Variants in DGAT2 observed in about 807,000 individuals in gnomAD.
DGAT2 encodes acyl-CoA retinol O-fatty-acyltransferase.
In DGAT2, 33 loss-of-function variants were observed where a neutral mutation model predicts 48.4. The ratio of observed to expected loss-of-function variants is 0.68; its 90% confidence interval spans 0.52 to 0.91. The LOEUF (loss-of-function observed/expected upper bound fraction) is 0.91. Among genes scored for constraint, DGAT2 ranks in the 40% least tolerant of loss-of-function variants. The pLI is 0.00. For missense variants in DGAT2, 446 were observed against 493.7 expected, an observed-to-expected ratio of 0.90 and a Z score of 0.92; for synonymous variants, 191 against 194.1, an observed-to-expected ratio of 0.98 and a Z score of 0.13.
chr11:75,784,592 G>A, intron 1 of DGAT2, 26 bp from the exon 2 acceptor site: 1 of 1,613,166 alleles, frequency 6.2e-7, no homozygotes, highest in Non-Finnish European at 8.5e-7. Flanking sequence ...GGGTGACAGT[G>A]GACTGACATC....
Position 75,769,083 on chromosome 11 carries a change from C to A in DGAT2, c.92C>A (p.Ala31Glu), listed in dbSNP as rs372990813. Residue 31 changes from alanine to glutamate, a missense_variant, in exon 1 of 8, where the codon GCG becomes GAG. Transcript: ENST00000228027. ...AGCCAGCGCTCTCACGGAGGACCTG[C>A]GCTGTCGCGCGAGGGGTCTGGGAGA... is the stretch of plus-strand genomic sequence containing the variant. ...DRSQRSHGGP[A>E]LSREGSGRWG... 5.7e-6 allele frequency: 9 copies of A among 1,574,788 alleles called. No individual in the cohort carries two copies. Among genetic ancestry groups the A allele is most frequent in the Non-Finnish European group, 7.7e-6 (9 of 1,164,626 alleles).
chr11:75,772,648 A>G (rs757406980), intron 1 of DGAT2, among the ~76,000 whole-genome samples: 13 of 152,016 alleles, frequency 8.6e-5, no homozygotes, highest in Non-Finnish European at 1.5e-4. Flanking sequence ...CTAAATTTTC[A>G]TGCGTGCTTA....
Position 75,774,570 on chromosome 11 carries a change from T to C in DGAT2, c.121+5458T>C, listed in dbSNP as rs544002043. Among the ~76,000 whole-genome samples the C allele has an allele frequency of 7.7e-4, 117 of 152,278 alleles. 1 individual carries two copies. Among genetic ancestry groups the C allele is most frequent in the African/African-American group, 2.8e-3 (115 of 41,578 alleles). On this transcript the variant is annotated intron_variant, in intron 1 of 7. Transcript: ENST00000228027. ...CATCTGCACAGTGAGGAGGACTGGT[T>C]GAGATGACCCCCTTGGCTTCCTTAC... is the stretch of plus-strand genomic sequence containing the variant.
Position 75,800,734 on chromosome 11 carries a change from T to C in DGAT2, c.*226T>C, listed in dbSNP as rs1262781345. 1.9e-6 allele frequency: 1 copy of C among 524,256 alleles called. No homozygotes were observed. The highest frequency in any genetic ancestry group is 3.7e-5 in the East Asian group (1 of 27,256). 32.5% of individuals were successfully genotyped at this position (524,256 alleles called of 1,614,324 possible). A position where few individuals can be genotyped will look rare whatever the true frequency, so the allele number is the denominator to read the frequency against. On this transcript the variant is annotated 3_prime_UTR_variant, in exon 8 of 8. Transcript: ENST00000228027. ...AGGTGGTGGCTAAATCTGGGCCTAA[T>C]CTGGGTGGCTCAGCTAACCTCTCTT... is the stretch of plus-strand genomic sequence containing the variant.
intron 2 of DGAT2, among the ~76,000 whole-genome samples, chr11:75,785,584 C>G (rs1944912867): frequency 6.6e-6 from 1 of 152,216 alleles, no homozygotes; most frequent in African/African-American, 2.4e-5. Flanking sequence ...TTGTTTTTCC[C>G]CAGACCCCTG....
intron 1 of DGAT2, among the ~76,000 whole-genome samples, chr11:75,781,864 A>G (rs987316749): frequency 6.6e-6 from 1 of 152,170 alleles, no homozygotes; most frequent in Non-Finnish European, 1.5e-5. Context: ...TTCCTGCGCT[A>G]TGACTTTACC....
At chr11:75,777,073 C>CA (rs1565313904) in intron 1 of DGAT2, 2 of 152,254 alleles carry the variant, frequency 1.3e-5, no homozygotes, top group South Asian at 4.1e-4. Flanking sequence ...AGACCCAGGG[C>CA]AGACATTAGG....
intron 1 of DGAT2, among the ~76,000 whole-genome samples, chr11:75,780,784 T>C (rs1175474290): frequency 6.6e-6 from 1 of 152,242 alleles, no homozygotes; most frequent in African/African-American, 2.4e-5. Flanking sequence ...CTGAGTGACC[T>C]TGACCCGGTA....
chr11:75,794,738 A>T (rs1354917978), intron 4 of DGAT2: 3 of 152,184 alleles, frequency 2.0e-5, no homozygotes, highest in African/African-American at 7.2e-5. Flanking sequence ...TAAAAATGAT[A>T]TCAACCCATA....
intron 6 of DGAT2, 115 bp from the exon 7 acceptor site, chr11:75,798,112 C>G (rs1004847750): frequency 1.3e-5 from 14 of 1,088,058 alleles, no homozygotes; most frequent in Admixed American, 3.9e-5. Flanking sequence ...CCAGGTAATT[C>G]TGGTACACCC....
At chr11:75,799,578 C>G (rs1289302475) in intron 7 of DGAT2, among the ~76,000 whole-genome samples, 3 of 151,698 alleles carry the variant, frequency 2.0e-5, no homozygotes, top group Non-Finnish European at 4.4e-5. Context: ...TGCTGGTCTA[C>G]TCCCTCCTCT....
intron 1 of DGAT2, chr11:75,776,075 C>G (rs1399281657): frequency 1.3e-5 from 2 of 152,234 alleles, no homozygotes; most frequent in Non-Finnish European, 2.9e-5. Flanking sequence ...TCTCTCCCTT[C>G]CTCTGGGGCC....
At chr11:75,770,008 G>A (rs186861554) in intron 1 of DGAT2, among the ~76,000 whole-genome samples, 1 of 152,258 alleles carries the variant, frequency 6.6e-6, no homozygotes, top group African/African-American at 2.4e-5. Context: ...AATAAAGCTT[G>A]CTAATTATGG....
chr11:75,790,108 T>C, intron 2 of DGAT2, 80 bp from the exon 3 acceptor site: 2 of 1,061,974 alleles, frequency 1.9e-6, no homozygotes, highest in Middle Eastern at 2.8e-4. Context: ...AGTGCCACAG[T>C]AAACACTCAC....
chr11:75,784,427 G>T, intron 1 of DGAT2, 191 bp from the exon 2 acceptor site: 1 of 628,598 alleles, frequency 1.6e-6, no homozygotes. Flanking sequence ...GGGCACAGGG[G>T]AGCATGCAGA....
chr11:75,784,346 T>C (rs1251082780), intron 1 of DGAT2: 1 of 309,772 alleles, frequency 3.2e-6, no homozygotes, highest in South Asian at 5.2e-5. Flanking sequence ...CTAGCCTCTT[T>C]AGATACTTCA....
intron 1 of DGAT2, among the ~76,000 whole-genome samples, chr11:75,780,200 G>A (rs1434174511): frequency 1.3e-5 from 2 of 152,192 alleles, no homozygotes; most frequent in East Asian, 1.9e-4. Context: ...GTGGTGGCAT[G>A]TGGTGGCATC....
intron 2 of DGAT2, among the ~76,000 whole-genome samples, chr11:75,788,007 AC>A (rs962864496): frequency 9.2e-5 from 14 of 151,966 alleles, no homozygotes; most frequent in African/African-American, 3.4e-4. Flanking sequence ...GGGTAGGGTT[AC>A]CCCCCTTCCC....
chr11:75,798,751 G>C (rs2135782114), intron 7 of DGAT2, among the ~76,000 whole-genome samples: 1 of 152,312 alleles, frequency 6.6e-6, no homozygotes, highest in South Asian at 2.1e-4. Flanking sequence ...AGGATGCGCA[G>C]GTGCTCTAGG....
Sources: gnomAD v4.1 joint callset for allele counts (sites outside exome capture counted in the v4.1 genomes callset) on GRCh38, gnomAD v4.1.1 for gene constraint, MANE v1.5 for transcripts, NCBI Gene and HGNC (gene_info 2026-07-23, HGNC 2026-07-21) for gene names.